The following BFAR variants were observed in gnomAD, a reference collection of about 807,000 sequenced individuals.
BFAR encodes the protein bifunctional apoptosis regulator.
In BFAR, 52 loss-of-function variants were observed where a neutral mutation model predicts 54.4. The ratio of observed to expected loss-of-function variants is 0.96; its 90% CI spans 0.77 to 1.21. The LOEUF (loss-of-function observed/expected upper bound fraction) is 1.21, where lower values mean the gene tolerates loss of function less well. BFAR is among the 50% of genes most tolerant of loss of function. The pLI is 0.00. For synonymous variants in BFAR, 215 were observed against 204.3 expected, an observed-to-expected ratio of 1.05 and a Z score of -0.45; for missense variants, 571 against 534.0, an observed-to-expected ratio of 1.07 and a Z score of -0.68.
intron 2 of BFAR, among the ~76,000 whole-genome samples, chr16:14,646,783 C>A (rs1000632489): frequency 1.3e-5 from 2 of 152,154 alleles, no homozygotes; most frequent in Admixed American, 6.6e-5. Flanking sequence ...CAGGCATGAG[C>A]CCCCGCGCCC....
intron 3 of BFAR, among the ~76,000 whole-genome samples, chr16:14,649,029 A>C (rs760122634): frequency 2.5e-4 from 37 of 149,650 alleles, no homozygotes; most frequent in Non-Finnish European, 3.5e-4. Context: ...GATTGTGTGC[A>C]CTTCAAATGT....
At chr16:14,655,447 G>A (rs1448591403) in intron 5 of BFAR, among the ~76,000 whole-genome samples, 3 of 150,416 alleles carry the variant, frequency 2.0e-5, no homozygotes, top group Non-Finnish European at 1.5e-5. Context: ...TCAGCCTCCA[G>A]AGTAGCTGGG....
chr16:14,656,162 G>A (rs940563780), intron 5 of BFAR, among the ~76,000 whole-genome samples: 2 of 152,048 alleles, frequency 1.3e-5, no homozygotes, highest in Non-Finnish European at 2.9e-5. Flanking sequence ...AGATCACACC[G>A]CTGCATGGCA....
chr16:14,646,183 A>T lies in BFAR; in HGVS notation c.263+1574A>T, dbSNP rs1389968626. 2.0e-5 allele frequency among the ~76,000 whole-genome samples: 3 copies of T among 152,148 alleles called. No homozygotes were observed. The East Asian group carries it at 5.8e-4, about 29-fold the overall frequency. On this transcript the variant is annotated intron_variant, in intron 2 of 7. Transcript: ENST00000261658. ...TTTCTCCTGCCTCAGCTTCCCTAAT[A>T]GCTGGGATTACAGGCAACTGCCACC...
At chr16:14,651,462 C>T (rs1959965281) in intron 4 of BFAR, among the ~76,000 whole-genome samples, 1 of 152,180 alleles carries the variant, frequency 6.6e-6, no homozygotes, top group East Asian at 1.9e-4. Context: ...TCACTGAATC[C>T]TGTCCCCCGG....
chr16:14,649,293 C>G (rs1959897626), intron 3 of BFAR, among the ~76,000 whole-genome samples: 1 of 152,078 alleles, frequency 6.6e-6, no homozygotes, highest in East Asian at 1.9e-4. Context: ...CCAGGCTGGT[C>G]TGGAACTCCT....
chr16:14,664,785 C>A, intron 6 of BFAR, 84 bp from the exon 7 acceptor site: 1 of 1,329,998 alleles, frequency 7.5e-7, no homozygotes, highest in Non-Finnish European at 1.1e-6. Context: ...CAGGTGTGAG[C>A]CACCGTGCCT....
chr16:14,668,386 G>A lies in BFAR; in HGVS notation c.*559G>A, dbSNP rs1399327422. On this transcript the variant is annotated 3_prime_UTR_variant, in exon 8 of 8. Coordinates refer to ENST00000261658, the MANE Select transcript of BFAR (RefSeq NM_016561.3). ...CTTATTGAAGAGTTGCTAGGATTCAGAGTAAAACTCAAAGGATTCAGTTTG... is the reference window on the plus strand; with the variant it reads ...CTTATTGAAGAGTTGCTAGGATTCAAAGTAAAACTCAAAGGATTCAGTTTG... 3.9e-5 allele frequency: 6 copies of A among 153,164 alleles called. No homozygotes were observed. Among genetic ancestry groups the A allele is most frequent in the South Asian group, 2.0e-4 (1 of 4,892 alleles). 9.5% of individuals were successfully genotyped at this position (153,164 alleles called of 1,614,324 possible).
chr16:14,633,209 C>A (rs1385041198), intron 1 of BFAR, 191 bp downstream of exon 1: 1 of 152,304 alleles, frequency 6.6e-6, no homozygotes, highest in East Asian at 1.9e-4. Context: ...GTTCGGACCC[C>A]AGCTTGGCCA....
At chr16:14,643,327 A>C (rs1959685139) in intron 1 of BFAR, among the ~76,000 whole-genome samples, 1 of 152,170 alleles carries the variant, frequency 6.6e-6, no homozygotes, top group African/African-American at 2.4e-5. Context: ...AAAAAAGGAA[A>C]TTTAATTGAG....
chr16:14,637,064 TAC>T (rs1567482657), intron 1 of BFAR, among the ~76,000 whole-genome samples: 1 of 152,192 alleles, frequency 6.6e-6, no homozygotes, highest in East Asian at 1.9e-4. Flanking sequence ...TCTCTTTCTA[TAC>T]AGACACAGTA....
At chr16:14,656,094 C>T (rs1474642272) in intron 5 of BFAR, among the ~76,000 whole-genome samples, 1 of 151,938 alleles carries the variant, frequency 6.6e-6, no homozygotes, top group Non-Finnish European at 1.5e-5. Flanking sequence ...CCTGTAGGTC[C>T]ATTTACTTGG....
intron 4 of BFAR, among the ~76,000 whole-genome samples, chr16:14,651,661 A>G (rs1959971024): frequency 6.6e-6 from 1 of 151,062 alleles, no homozygotes; most frequent in South Asian, 2.1e-4. Context: ...TGTATTTTTA[A>G]TAGAGACAGG....
rs1407803996 is a variant in BFAR, at chr16:14,664,856, G to T, written c.958-13G>T. Reference sequence around the variant, plus strand: ...TCCTCATGACTTTTTGCGTCTGTGTGTTATTTTTTAAGGATCTTAAGGAGC... The same window carrying T: ...TCCTCATGACTTTTTGCGTCTGTGTTTTATTTTTTAAGGATCTTAAGGAGC... On this transcript the variant is annotated splice_polypyrimidine_tract_variant and intron_variant, in intron 6 of 7. Transcript: ENST00000261658. The T allele has an allele frequency of 6.2e-7, 1 of 1,609,584 alleles. No homozygotes were observed. Among genetic ancestry groups the T allele is most frequent in the South Asian group, 1.1e-5 (1 of 90,988 alleles).
intron 2 of BFAR, 101 bp from the exon 3 acceptor site, chr16:14,648,287 A>G: frequency 1.2e-6 from 1 of 849,304 alleles, no homozygotes; most frequent in Non-Finnish European, 1.9e-6. Flanking sequence ...CTCCTAGGGT[A>G]GCTATATATT....
At chr16:14,656,417 G>C (rs546528674) in intron 5 of BFAR, among the ~76,000 whole-genome samples, 32 of 151,786 alleles carry the variant, frequency 2.1e-4, no homozygotes, top group Non-Finnish European at 4.3e-4. Context: ...AGCCATTTGC[G>C]AGGCTGAGGC....
intron 1 of BFAR, among the ~76,000 whole-genome samples, chr16:14,640,546 C>A (rs1466421948): frequency 2.0e-5 from 3 of 151,954 alleles, no homozygotes; most frequent in Admixed American, 2.0e-4. Context: ...CCTCATTTAA[C>A]TTAGAAAAGG....
At chr16:14,658,547 C>G (rs1292730923) in intron 5 of BFAR, among the ~76,000 whole-genome samples, 1 of 152,002 alleles carries the variant, frequency 6.6e-6, no homozygotes, top group African/African-American at 2.4e-5. Flanking sequence ...CTGGCTAACA[C>G]AGTGAAACCC....
At chr16:14,653,244 G>T (rs1221070922) in intron 4 of BFAR, among the ~76,000 whole-genome samples, 2 of 152,130 alleles carry the variant, frequency 1.3e-5, no homozygotes, top group African/African-American at 4.8e-5. Context: ...CCTGTTAATA[G>T]CTCTCCGGCC....
Sources: allele counts gnomAD v4.1 joint callset (sites outside exome capture counted in the v4.1 genomes callset), GRCh38; gene constraint gnomAD v4.1.1; transcripts MANE v1.5; gene names NCBI Gene and HGNC (gene_info 2026-07-23, HGNC 2026-07-21).